The following CDH13 variants were observed in gnomAD, a reference collection of about 807,000 sequenced individuals.
The protein encoded by CDH13 is cadherin 13, also known as cadherin-13.
Under a neutral mutation model 63.8 loss-of-function variants are expected in CDH13, and 24 were observed. The ratio of observed to expected loss-of-function variants is 0.38; its 90% CI spans 0.27 to 0.53. CDH13 has a LOEUF of 0.53. CDH13 is among the 20% of genes least tolerant of loss of function. The pLI is 0.85. For missense variants in CDH13, 1,049 were observed against 903.1 expected (o/e 1.16, Z -2.07); for synonymous variants, 503 against 355.3 (o/e 1.42, Z -4.67).
chr16:83,194,312 C>T (rs1004070156), intron 4 of CDH13, among the ~76,000 whole-genome samples: 1 of 152,186 alleles, frequency 6.6e-6, no homozygotes, highest in South Asian at 2.1e-4. Context: ...CAAGGATGAT[C>T]ACGCTTGCTG....
At chr16:83,160,983 G>C (rs578130661) in intron 4 of CDH13, among the ~76,000 whole-genome samples, 1 of 152,324 alleles carries the variant, frequency 6.6e-6, no homozygotes, top group African/African-American at 2.4e-5. Flanking sequence ...ACCCAAGACA[G>C]TCACAGATCT....
intron 7 of CDH13, among the ~76,000 whole-genome samples, chr16:83,535,696 C>G (rs989454061): frequency 1.3e-5 from 2 of 151,992 alleles, no homozygotes; most frequent in African/African-American, 4.8e-5. Context: ...TCAGTTTCCC[C>G]AAGATATGAT....
intron 1 of CDH13, among the ~76,000 whole-genome samples, chr16:82,822,546 G>C (rs1350423688): frequency 6.6e-6 from 1 of 152,168 alleles, no homozygotes; most frequent in Non-Finnish European, 1.5e-5. Flanking sequence ...ACTCAGGCTG[G>C]AGTGCAGTGG....
chr16:83,747,684 T>C (rs750620987), intron 10 of CDH13, among the ~76,000 whole-genome samples: 9 of 150,370 alleles, frequency 6.0e-5, no homozygotes, highest in Non-Finnish European at 1.2e-4. Flanking sequence ...GGATCAGAGG[T>C]AGTGAGTTCT....
At chr16:83,540,261 G>C (rs1434377408) in intron 7 of CDH13, among the ~76,000 whole-genome samples, 2 of 152,156 alleles carry the variant, frequency 1.3e-5, no homozygotes, top group East Asian at 3.9e-4. Context: ...GGCTATATGA[G>C]TAAGCGCCAA....
chr16:82,632,109 A>G (rs1471287806), intron 1 of CDH13, among the ~76,000 whole-genome samples: 1 of 152,184 alleles, frequency 6.6e-6, no homozygotes, highest in Non-Finnish European at 1.5e-5. Context: ...ACATGGCCGT[A>G]CTTGACAGGG....
chr16:83,200,096 C>G (rs750037539), intron 4 of CDH13, among the ~76,000 whole-genome samples: 1 of 152,108 alleles, frequency 6.6e-6, no homozygotes. Context: ...GGTGCTGATA[C>G]GCTTGTTCAG....
At chr16:83,403,365 T>G (rs1269931299) in intron 6 of CDH13, among the ~76,000 whole-genome samples, 2 of 152,122 alleles carry the variant, frequency 1.3e-5, no homozygotes, top group South Asian at 4.1e-4. Flanking sequence ...TTAAAAATAA[T>G]GTAAATTTAG....
At chr16:83,222,864 A>C (rs2039737084) in intron 5 of CDH13, among the ~76,000 whole-genome samples, 1 of 152,152 alleles carries the variant, frequency 6.6e-6, no homozygotes, top group Non-Finnish European at 1.5e-5. Flanking sequence ...ATTCTAGGGC[A>C]AGGTTTTTCA....
At chr16:83,553,116 A>G (rs560851558) in intron 7 of CDH13, among the ~76,000 whole-genome samples, 298 of 151,610 alleles carry the variant, frequency 2.0e-3, no homozygotes, top group Non-Finnish European at 3.3e-3. Flanking sequence ...TATTGTAAAC[A>G]TTTTTGCTTA....
At chr16:83,749,807 G>T (rs1256486745) in intron 11 of CDH13, among the ~76,000 whole-genome samples, 1 of 152,176 alleles carries the variant, frequency 6.6e-6, no homozygotes, top group African/African-American at 2.4e-5. Context: ...TTCTGATGGA[G>T]CTAAGCCCAG....
At chr16:82,931,571 T>G (rs2042495010) in intron 2 of CDH13, among the ~76,000 whole-genome samples, 1 of 152,030 alleles carries the variant, frequency 6.6e-6, no homozygotes, top group Non-Finnish European at 1.5e-5. Context: ...TTAGTCTGTT[T>G]TCATGCTGCT....
chr16:82,729,548 A>G lies in CDH13; in HGVS notation c.45+102411A>G, dbSNP rs8060593. On this transcript the variant is annotated intron_variant, in intron 1 of 13. Coordinates refer to ENST00000567109, the MANE Select transcript of CDH13 (RefSeq NM_001257.5). ...ATGGGATTAAAATATTCAGTAAAGC[A>G]TGCTGTAAACAGATGTGCTGTTAGA... 5.6e-3 allele frequency among the ~76,000 whole-genome samples: 850 copies of G among 152,210 alleles called. 6 individuals carry two copies. Among genetic ancestry groups the G allele is most frequent in the Middle Eastern group, 0.02 (6 of 294 alleles).
At chr16:83,177,683 A>C (rs2038184179) in intron 4 of CDH13, among the ~76,000 whole-genome samples, 1 of 152,338 alleles carries the variant, frequency 6.6e-6, no homozygotes, top group South Asian at 2.1e-4. Context: ...AAGCCTGTCA[A>C]GACCCACGCC....
chr16:83,786,436 C>A (rs692600), intron 13 of CDH13, among the ~76,000 whole-genome samples: 2 of 151,876 alleles, frequency 1.3e-5, no homozygotes, highest in Non-Finnish European at 2.9e-5. Context: ...ACGACTTGAG[C>A]TTGAGGAATA....
At chr16:82,698,159 G>T (rs1231199557) in intron 1 of CDH13, among the ~76,000 whole-genome samples, 1 of 152,224 alleles carries the variant, frequency 6.6e-6, no homozygotes, top group Non-Finnish European at 1.5e-5. Flanking sequence ...AAGTATGGAA[G>T]ATTGGAGCAT....
At chr16:83,075,659 G>A (rs529311583) in intron 3 of CDH13, among the ~76,000 whole-genome samples, 14 of 152,270 alleles carry the variant, frequency 9.2e-5, no homozygotes, top group African/African-American at 3.1e-4. Context: ...TAGGCGAGGC[G>A]GTCCCGGCAA....
At chr16:83,481,964 C>T (rs1034426034) in intron 6 of CDH13, among the ~76,000 whole-genome samples, 1 of 152,176 alleles carries the variant, frequency 6.6e-6, no homozygotes, top group Admixed American at 6.5e-5. Context: ...ACAGGCATCA[C>T]CCACAGGCAA....
At chr16:83,127,963 A>G (rs1234319705) in intron 4 of CDH13, among the ~76,000 whole-genome samples, 1 of 152,118 alleles carries the variant, frequency 6.6e-6, no homozygotes, top group Non-Finnish European at 1.5e-5. Context: ...CCTTTTCTAG[A>G]CAGGTTTCCT....
Sources: allele counts gnomAD v4.1 joint callset (sites outside exome capture counted in the v4.1 genomes callset), GRCh38; gene constraint gnomAD v4.1.1; transcripts MANE v1.5; gene names NCBI Gene and HGNC (gene_info 2026-07-23, HGNC 2026-07-21).